The following RFTN1 variants were observed in gnomAD, a reference collection of about 807,000 sequenced individuals.
RFTN1 encodes raftlin, lipid raft linker 1, also known as raftlin.
RFTN1 carries 26 observed loss-of-function variants against 46.5 expected under a neutral mutation model. That is an observed-to-expected ratio of 0.56 (90% CI 0.41 to 0.78). The LOEUF (loss-of-function observed/expected upper bound fraction) is 0.78, where lower values mean the gene tolerates loss of function less well. RFTN1 is among the 30% of genes least tolerant of loss of function. RFTN1 has a pLI of 0.00. For synonymous variants in RFTN1, 261 were observed against 284.2 expected (o/e 0.92, Z 0.82); for missense variants, 693 against 718.7 (o/e 0.96, Z 0.41).
chr3:16,345,794 G>GTGTGTGTC lies in RFTN1; in HGVS notation c.1146+12137_1146+12138insGACACACA. ...AAAACCTTATAATAAATCTCTGTGT[G>GTGTGTGTC]TGTGTGTGTGTGTGTGTGTGTGTGC... On this transcript the variant is annotated intron_variant, in intron 7 of 9. Transcript: ENST00000334133. The surrounding 1 kb of genome is among the most constrained non-coding windows in gnomAD (Gnocchi z 5.2). Among the ~76,000 whole-genome samples the GTGTGTGTC allele has an allele frequency of 1.2e-5, 1 of 81,066 alleles. No homozygotes were observed. The highest frequency in any genetic ancestry group is 7.4e-5 in the African/African-American group (1 of 13,444). The allele number at this position is 81,066 out of a possible 152,430, so 53.2% of individuals were successfully genotyped here. A position where few individuals can be genotyped will look rare whatever the true frequency, so the allele number is the denominator to read the frequency against.
At chr3:16,463,527 C>G (rs1323051784) in intron 2 of RFTN1, among the ~76,000 whole-genome samples, 2 of 152,076 alleles carry the variant, frequency 1.3e-5, no homozygotes, top group East Asian at 3.8e-4. Context: ...CCATTTTATT[C>G]TTTATAGATT....
intron 6 of RFTN1, among the ~76,000 whole-genome samples, chr3:16,359,974 C>T (rs1485547388): frequency 6.6e-6 from 1 of 151,762 alleles, no homozygotes; most frequent in African/African-American, 2.4e-5. Context: ...CAAGAGACCC[C>T]ATAAACAAAA....
intron 3 of RFTN1, among the ~76,000 whole-genome samples, chr3:16,412,758 G>C (rs1233665432): frequency 3.3e-5 from 5 of 152,256 alleles, no homozygotes; most frequent in African/African-American, 9.6e-5. Context: ...CTCTGAGCTA[G>C]AGAATCCCTT....
chr3:16,365,437 C>A (rs1416185878), intron 6 of RFTN1, among the ~76,000 whole-genome samples: 1 of 152,056 alleles, frequency 6.6e-6, no homozygotes, highest in Non-Finnish European at 1.5e-5. Context: ...AATATATACC[C>A]CACATATTTA....
rs17042262 is a variant in RFTN1, at chr3:16,428,690, C to T, written c.332+5161G>A. On this transcript the variant is annotated intron_variant, in intron 3 of 9. Coordinates refer to ENST00000334133, the MANE Select transcript of RFTN1 (RefSeq NM_015150.2). This position sits in a 1 kb window ranked among gnomAD's most constrained non-coding sequence, Gnocchi z 4.7. Reference sequence around the variant, plus strand: ...TTCATGATGAAAAACACACCAATGACGCCCCTAGCTCCATGTGTGTACAAC... The same window carrying T: ...TTCATGATGAAAAACACACCAATGATGCCCCTAGCTCCATGTGTGTACAAC... Among the ~76,000 whole-genome samples, 29,031 of 152,106 alleles carry T rather than the reference C, an allele frequency of 0.19. 3,215 individuals carry two copies. Among genetic ancestry groups the T allele is most frequent in the African/African-American group, 0.3 (12,404 of 41,428 alleles).
intron 4 of RFTN1, among the ~76,000 whole-genome samples, chr3:16,404,979 A>G (rs949412510): frequency 1.3e-5 from 2 of 152,182 alleles, no homozygotes; most frequent in Non-Finnish European, 2.9e-5. Flanking sequence ...GAGAGACCAG[A>G]AGTACATGCC....
chr3:16,404,877 C>A (rs2074814846), intron 4 of RFTN1, among the ~76,000 whole-genome samples: 1 of 152,070 alleles, frequency 6.6e-6, no homozygotes, highest in African/African-American at 2.4e-5. Context: ...CAGTTCCAGC[C>A]CCTGGACAAA....
rs1304382460 is a variant in RFTN1 at position 16,410,232 on chromosome 3, C to T, written c.333-749G>A. 3.2e-5 allele frequency among the ~76,000 whole-genome samples: 3 copies of T among 94,008 alleles called. No individual in the cohort carries two copies. The highest frequency in any genetic ancestry group is 1.0e-4 in the African/African-American group (3 of 29,028). 61.7% of individuals were successfully genotyped at this position (94,008 alleles called of 152,430 possible). On this transcript the variant is annotated intron_variant, in intron 3 of 9. Transcript: ENST00000334133. The surrounding 1 kb of genome is among the most constrained non-coding windows in gnomAD (Gnocchi z 4.6). Reference sequence around the variant, plus strand: ...TGTTATACACACACACACACACACACACACACACACACACACACACACACA... The same window carrying T: ...TGTTATACACACACACACACACACATACACACACACACACACACACACACA...
chr3:16,325,672 C>T (rs2069619498), intron 8 of RFTN1, among the ~76,000 whole-genome samples: 1 of 152,178 alleles, frequency 6.6e-6, no homozygotes, highest in Non-Finnish European at 1.5e-5. Flanking sequence ...TGGTGGTTTC[C>T]AGTGGCCAAG....
intron 1 of RFTN1, among the ~76,000 whole-genome samples, chr3:16,511,961 G>A (rs2076908976): frequency 6.6e-6 from 1 of 152,074 alleles, no homozygotes; most frequent in Admixed American, 6.5e-5. Context: ...AGAGGATGAC[G>A]TGCCAGCTCT....
intron 4 of RFTN1, among the ~76,000 whole-genome samples, chr3:16,386,549 G>A (rs945970954): frequency 1.1e-4 from 16 of 152,220 alleles, no homozygotes; most frequent in Non-Finnish European, 1.9e-4. Flanking sequence ...TACCTGTTAC[G>A]CTGCTCAGCG....
rs146378659 is a variant in RFTN1 at position 16,451,796 on chromosome 3, C to T, written c.146-17759G>A. ...TCATTCTTACCTTAGATCTTAGCAA[C>T]TTCAGCATATGAGTTTTCTTCTTTC... On this transcript the variant is annotated intron_variant, in intron 2 of 9. Transcript: ENST00000334133. The surrounding 1 kb of genome is among the most constrained non-coding windows in gnomAD (Gnocchi z 4.2). 1.3e-5 allele frequency among the ~76,000 whole-genome samples: 2 copies of T among 152,274 alleles called. No homozygotes were observed. Among genetic ancestry groups the T allele is most frequent in the Admixed American group, 6.5e-5 (1 of 15,302 alleles).
chr3:16,395,232 C>A (rs111714319), intron 4 of RFTN1, among the ~76,000 whole-genome samples: 2 of 152,316 alleles, frequency 1.3e-5, no homozygotes, highest in African/African-American at 4.8e-5. Context: ...TCTTTTAGAT[C>A]TTGGCATATA....
At position 16,321,497 on chromosome 3, in the gene RFTN1, C is replaced by G. The variant is rs941513923; in HGVS notation, c.1332+1879G>C. On this transcript the variant is annotated intron_variant, in intron 9 of 9. Coordinates refer to ENST00000334133, the MANE Select transcript of RFTN1 (RefSeq NM_015150.2). The surrounding 1 kb of genome is among the most constrained non-coding windows in gnomAD (Gnocchi z 4.8). The stretch of plus-strand genomic sequence containing the variant: ...CTCTCGGTCACCAGGGGACACAGGC[C>G]TGTGGGAGTAGGACGCTGACCCTTG... 2.1e-4 allele frequency among the ~76,000 whole-genome samples: 32 copies of G among 152,150 alleles called. No homozygotes were observed. Among genetic ancestry groups the G allele is most frequent in the African/African-American group, 7.7e-4 (32 of 41,422 alleles).
At chr3:16,434,976 T>C (rs1317648238) in intron 2 of RFTN1, among the ~76,000 whole-genome samples, 1 of 152,238 alleles carries the variant, frequency 6.6e-6, no homozygotes, top group Non-Finnish European at 1.5e-5. Flanking sequence ...TTTTCACCTA[T>C]TGAATTATTT....
At chr3:16,494,116 A>T (rs1022973402) in intron 1 of RFTN1, among the ~76,000 whole-genome samples, 1 of 152,162 alleles carries the variant, frequency 6.6e-6, no homozygotes, top group East Asian at 1.9e-4. Context: ...TTTTTAAATG[A>T]CACCAAAAGC....
At chr3:16,401,470 C>T (rs957715291) in intron 4 of RFTN1, among the ~76,000 whole-genome samples, 4 of 152,106 alleles carry the variant, frequency 2.6e-5, no homozygotes, top group Admixed American at 6.5e-5. Context: ...AAAACTTACC[C>T]GTGGCATCCA....
At chr3:16,444,905 A>T (rs1383140310) in intron 2 of RFTN1, among the ~76,000 whole-genome samples, 1 of 152,170 alleles carries the variant, frequency 6.6e-6, no homozygotes, top group East Asian at 1.9e-4. Context: ...ATCTTTCTTA[A>T]CTGTATGTAT....
rs2076371869 is a variant in RFTN1, at chr3:16,481,809, T to C, written c.145+11916A>G. On this transcript the variant is annotated intron_variant, in intron 2 of 9. Transcript: ENST00000334133. The surrounding 1 kb of genome is among the most constrained non-coding windows in gnomAD (Gnocchi z 5.1). ...CCTAGAGGAGCAAGGAGCGATTTTCTAGGAAAGAAAAATGTTTCCCTACCC... is the reference window on the plus strand; with the variant it reads ...CCTAGAGGAGCAAGGAGCGATTTTCCAGGAAAGAAAAATGTTTCCCTACCC... 6.6e-6 allele frequency among the ~76,000 whole-genome samples: 1 copy of C among 152,148 alleles called. No homozygotes were observed. The highest frequency in any genetic ancestry group is 6.5e-5 in the Admixed American group (1 of 15,286).
Sources: gnomAD v4.1 joint callset for allele counts (sites outside exome capture counted in the v4.1 genomes callset) on GRCh38, gnomAD v4.1.1 for gene constraint, Gnocchi (gnomAD v3.1) non-coding constraint, MANE v1.5 for transcripts, NCBI Gene and HGNC (gene_info 2026-07-23, HGNC 2026-07-21) for gene names.